The following CHSY3 variants were observed in gnomAD, a reference collection of about 807,000 sequenced individuals.
The protein encoded by CHSY3 is chondroitin sulfate synthase 3.
A neutral mutation model predicts 67.2 loss-of-function variants in CHSY3; 35 were observed. The ratio of observed to expected loss-of-function variants is 0.52; its 90% CI spans 0.40 to 0.69. The LOEUF (loss-of-function observed/expected upper bound fraction) is 0.69. Ranked by LOEUF, CHSY3 falls within the 30% of genes least tolerant of loss-of-function variation. The pLI is 0.00. For synonymous variants in CHSY3, 474 were observed against 434.7 expected (o/e 1.09, Z -1.12); for missense variants, 1,069 against 1,138.5 (o/e 0.94, Z 0.88).
chr5:129,985,405 C>G (rs1763163185), intron 2 of CHSY3, among the ~76,000 whole-genome samples: 1 of 152,004 alleles, frequency 6.6e-6, no homozygotes, highest in South Asian at 2.1e-4. Flanking sequence ...ATGCCAGTAT[C>G]ATGTTGTTTT....
chr5:130,017,066 C>T (rs551324322), intron 2 of CHSY3, among the ~76,000 whole-genome samples: 23 of 152,174 alleles, frequency 1.5e-4, no homozygotes, highest in South Asian at 6.2e-4. Context: ...AATGCAAAGC[C>T]GTGGGAATTG....
chr5:130,115,373 A>C (rs952019926), intron 2 of CHSY3, among the ~76,000 whole-genome samples: 1 of 152,128 alleles, frequency 6.6e-6, no homozygotes, highest in Non-Finnish European at 1.5e-5. Context: ...GCAAGGCATA[A>C]ATTTCACAAT....
At position 129,934,133 on chromosome 5, in the gene CHSY3, TG is replaced by T. The variant is rs560030602; in HGVS notation, c.1086+25774del. Among the ~76,000 whole-genome samples, 305 of 152,284 alleles carry T rather than the reference TG, an allele frequency of 2.0e-3. 1 individual carries two copies. Among genetic ancestry groups the T allele is most frequent in the African/African-American group, 6.2e-3 (257 of 41,572 alleles). On this transcript the variant is annotated intron_variant, in intron 2 of 2. Coordinates refer to ENST00000305031, the MANE Select transcript of CHSY3 (RefSeq NM_175856.5). Reference sequence around the variant, plus strand: ...AATGGTTAATAAACTACTGTGCATTTGTATTGTAAAATTTCAGACAAAATTA... The same window carrying T: ...AATGGTTAATAAACTACTGTGCATTTTATTGTAAAATTTCAGACAAAATTA...
Position 130,185,284 on chromosome 5 carries a change from G to C in CHSY3, c.2142G>C (p.Leu714=). The change falls in exon 3 of 3, where the codon CTG becomes CTC. Residue 714 remains leucine (L), a synonymous_variant. Coordinates refer to ENST00000305031, the MANE Select transcript of CHSY3 (RefSeq NM_175856.5). ...ASAQFDNDTL[L]LFCDVDLIFR... is the part of the protein sequence containing the mutation. ...CCCAGTTTGACAATGACACTTTGCT[G>C]CTATTTTGTGATGTTGACTTGATCT... 6.2e-7 allele frequency: 1 copy of C among 1,610,870 alleles called. No individual in the cohort carries two copies. The highest frequency in any genetic ancestry group is 1.1e-5 in the South Asian group (1 of 91,026).
intron 2 of CHSY3, among the ~76,000 whole-genome samples, chr5:130,041,774 A>G (rs1765012509): frequency 6.6e-6 from 1 of 152,164 alleles, no homozygotes; most frequent in Non-Finnish European, 1.5e-5. Context: ...AAACAATGTA[A>G]TAATGAGGAT....
At chr5:130,068,409 GA>G (rs1765953829) in intron 2 of CHSY3, among the ~76,000 whole-genome samples, 1 of 152,042 alleles carries the variant, frequency 6.6e-6, no homozygotes, top group Non-Finnish European at 1.5e-5. Flanking sequence ...CAGTTGTGCT[GA>G]TTTCCTGTTT....
intron 2 of CHSY3, among the ~76,000 whole-genome samples, chr5:130,043,131 A>T (rs1765049794): frequency 6.6e-6 from 1 of 152,098 alleles, no homozygotes. Context: ...GACTGCCTCT[A>T]CAAACTAGGT....
chr5:130,159,312 G>A (rs1333371612), intron 2 of CHSY3, among the ~76,000 whole-genome samples: 1 of 151,750 alleles, frequency 6.6e-6, no homozygotes, highest in East Asian at 1.9e-4. Flanking sequence ...CTACAGGCGT[G>A]CGCCACCACA....
chr5:130,021,193 A>G (rs1426233956), intron 2 of CHSY3, among the ~76,000 whole-genome samples: 4 of 152,214 alleles, frequency 2.6e-5, no homozygotes, highest in Non-Finnish European at 5.9e-5. Flanking sequence ...CACAATCCCA[A>G]TATGCATATA....
intron 2 of CHSY3, among the ~76,000 whole-genome samples, chr5:129,963,702 A>T (rs1482537761): frequency 1.3e-5 from 2 of 151,870 alleles, no homozygotes; most frequent in Non-Finnish European, 2.9e-5. Flanking sequence ...CATCATTTGA[A>T]TGTTTCTTAT....
chr5:130,040,338 A>G (rs923808246), intron 2 of CHSY3, among the ~76,000 whole-genome samples: 1 of 152,156 alleles, frequency 6.6e-6, no homozygotes. Context: ...GTGAGCTTCC[A>G]GAGTACCAAT....
intron 2 of CHSY3, among the ~76,000 whole-genome samples, chr5:130,046,078 A>T (rs1765138976): frequency 6.6e-6 from 1 of 152,104 alleles, no homozygotes; most frequent in Admixed American, 6.6e-5. Context: ...AACTCATGTC[A>T]TTATACCCAC....
chr5:130,152,107 C>A (rs569105773), intron 2 of CHSY3, among the ~76,000 whole-genome samples: 108 of 152,324 alleles, frequency 7.1e-4, no homozygotes, highest in African/African-American at 2.6e-3. Context: ...GAATTGGACT[C>A]TTTTAAGAAA....
intron 2 of CHSY3, among the ~76,000 whole-genome samples, chr5:130,117,623 T>G (rs1213056901): frequency 6.6e-6 from 1 of 152,200 alleles, no homozygotes; most frequent in African/African-American, 2.4e-5. Flanking sequence ...TTCCTTCATA[T>G]TTTCAGTGTG....
chr5:129,979,797 G>A (rs1418204623), intron 2 of CHSY3, among the ~76,000 whole-genome samples: 1 of 152,014 alleles, frequency 6.6e-6, no homozygotes, highest in Non-Finnish European at 1.5e-5. Flanking sequence ...TCTTTTTACT[G>A]TTTCCATAGT....
chr5:130,043,367 T>C (rs2149666607), intron 2 of CHSY3, among the ~76,000 whole-genome samples: 1 of 152,228 alleles, frequency 6.6e-6, no homozygotes, highest in East Asian at 1.9e-4. Flanking sequence ...GGATGATTCA[T>C]CAGATATTTC....
chr5:130,107,436 G>A (rs1767444158), intron 2 of CHSY3, among the ~76,000 whole-genome samples: 1 of 150,336 alleles, frequency 6.7e-6, no homozygotes, highest in Admixed American at 6.7e-5. Context: ...TATTCCTTAC[G>A]GGGCTAGTGT....
intron 2 of CHSY3, among the ~76,000 whole-genome samples, chr5:129,990,684 T>C (rs1763336531): frequency 6.6e-6 from 1 of 152,170 alleles, no homozygotes; most frequent in Non-Finnish European, 1.5e-5. Context: ...TAGTAGATTG[T>C]ACTTATATTC....
chr5:129,974,642 G>T (rs1487252897), intron 2 of CHSY3, among the ~76,000 whole-genome samples: 1 of 152,148 alleles, frequency 6.6e-6, no homozygotes, highest in Non-Finnish European at 1.5e-5. Context: ...TGGCGCAGTT[G>T]TAAGGGCTGG....
Sources: allele counts gnomAD v4.1 joint callset (sites outside exome capture counted in the v4.1 genomes callset), GRCh38; gene constraint gnomAD v4.1.1; transcripts MANE v1.5; gene names NCBI Gene and HGNC (gene_info 2026-07-23, HGNC 2026-07-21).